AKT3: variants seen among roughly 807,000 people sequenced by gnomAD.
AKT3 encodes the protein AKT serine/threonine kinase 3, also known as RAC-gamma serine/threonine-protein kinase.
A neutral mutation model predicts 65.3 loss-of-function variants in AKT3; 15 were observed. The observed-to-expected ratio is 0.23, with a 90% CI of 0.15 to 0.35. AKT3 has a LOEUF of 0.35. Among genes scored for constraint, AKT3 ranks in the 10% least tolerant of loss-of-function variants. The pLI is 1.00. For missense variants in AKT3, 243 were observed against 576.5 expected, an observed-to-expected ratio of 0.42 and a Z score of 5.92; for synonymous variants, 206 against 183.8, an observed-to-expected ratio of 1.12 and a Z score of -0.98.
intron 8 of AKT3, among the ~76,000 whole-genome samples, chr1:243,606,683 A>G (rs1677450355): frequency 6.6e-6 from 1 of 152,258 alleles, no homozygotes; most frequent in African/African-American, 2.4e-5. Flanking sequence ...AGTAACAAGG[A>G]GCCAGATGTT....
intron 8 of AKT3, among the ~76,000 whole-genome samples, chr1:243,592,520 G>T (rs1370995498): frequency 6.6e-6 from 1 of 152,104 alleles, no homozygotes; most frequent in Non-Finnish European, 1.5e-5. Flanking sequence ...CTTCTTGACA[G>T]AAACTGTATA....
intron 2 of AKT3, among the ~76,000 whole-genome samples, chr1:243,719,587 A>T (rs573184992): frequency 6.6e-6 from 1 of 152,324 alleles, no homozygotes; most frequent in East Asian, 1.9e-4. Flanking sequence ...ATGACAACTT[A>T]GTGCTTTACT....
intron 12 of AKT3, among the ~76,000 whole-genome samples, chr1:243,542,952 C>T (rs1291483741): frequency 2.6e-5 from 4 of 152,176 alleles, no homozygotes; most frequent in Non-Finnish European, 4.4e-5. Context: ...CACCAATCCA[C>T]GACCAATCTA....
At chr1:243,659,353 T>C (rs1339310651) in intron 4 of AKT3, among the ~76,000 whole-genome samples, 1 of 152,198 alleles carries the variant, frequency 6.6e-6, no homozygotes, top group Non-Finnish European at 1.5e-5. Context: ...TACAATAATA[T>C]GCACATAGTT....
chr1:243,527,922 CACACACACACACACAGAGAGAG>C (rs1558590297), intron 12 of AKT3, among the ~76,000 whole-genome samples: 10 of 89,816 alleles, frequency 1.1e-4, no homozygotes, highest in Non-Finnish European at 1.6e-4. Context: ...CACACACACA[CACACACACACACACAGAGAGAG>C]AGAGAGAGAG....
chr1:243,527,420 A>G (rs1303821695), intron 12 of AKT3, among the ~76,000 whole-genome samples: 1 of 152,178 alleles, frequency 6.6e-6, no homozygotes, highest in Non-Finnish European at 1.5e-5. Context: ...TTCTAAATCA[A>G]TCTTCCTAGA....
intron 4 of AKT3, among the ~76,000 whole-genome samples, chr1:243,658,970 C>CAGTA (rs1682046468): frequency 1.3e-5 from 2 of 151,294 alleles, no homozygotes; most frequent in African/African-American, 4.9e-5. Flanking sequence ...TTCCAGGCTG[C>CAGTA]AGTAAGCCAT....
chr1:243,549,965 A>G (rs1672933118), intron 11 of AKT3, among the ~76,000 whole-genome samples: 1 of 152,192 alleles, frequency 6.6e-6, no homozygotes, highest in African/African-American at 2.4e-5. Flanking sequence ...CTCATATTCT[A>G]CACTCTAGTC....
intron 8 of AKT3, among the ~76,000 whole-genome samples, chr1:243,598,787 T>A (rs1224358620): frequency 7.2e-5 from 11 of 152,232 alleles, no homozygotes; most frequent in Admixed American, 7.2e-4. Flanking sequence ...ACTACAGCAC[T>A]CTGTTGCCAT....
At chr1:243,817,316 T>C (rs1693588908) in intron 2 of AKT3, among the ~76,000 whole-genome samples, 1 of 152,238 alleles carries the variant, frequency 6.6e-6, no homozygotes, top group Admixed American at 6.5e-5. Context: ...GGTAGTCCAT[T>C]ACACAGCATT....
intron 8 of AKT3, among the ~76,000 whole-genome samples, chr1:243,583,164 G>GTATATATATATA (rs1383107055): frequency 1.9e-4 from 14 of 74,924 alleles, no homozygotes; most frequent in African/African-American, 6.0e-4. Context: ...CCATGTATAT[G>GTATATATATATA]TGTGTGTATA....
chr1:243,814,722 ATCACT>A (rs1401391416), intron 2 of AKT3: 1 of 152,208 alleles, frequency 6.6e-6, no homozygotes, highest in Non-Finnish European at 1.5e-5. Context: ...TTAGCTATCT[ATCACT>A]GCATAACAGA....
chr1:243,663,077 CAATA>C (rs1682493450), intron 4 of AKT3, among the ~76,000 whole-genome samples: 1 of 152,130 alleles, frequency 6.6e-6, no homozygotes, highest in Admixed American at 6.5e-5. Context: ...TCCAGCCAGT[CAATA>C]AATACTGTGT....
chr1:243,496,989 G>A (rs1323541176), downstream of AKT3, among the ~76,000 whole-genome samples: 1 of 152,218 alleles, frequency 6.6e-6, no homozygotes, highest in Non-Finnish European at 1.5e-5. Flanking sequence ...AGCCACAGGA[G>A]GGCCACAGCA....
chr1:243,670,757 A>T (rs1392279522), intron 3 of AKT3, among the ~76,000 whole-genome samples: 1 of 152,204 alleles, frequency 6.6e-6, no homozygotes, highest in Non-Finnish European at 1.5e-5. Flanking sequence ...AGATAGTTAT[A>T]CACTAGTTAA....
At chr1:243,827,004 C>G (rs1694209338) in intron 2 of AKT3, among the ~76,000 whole-genome samples, 1 of 151,416 alleles carries the variant, frequency 6.6e-6, no homozygotes, top group Admixed American at 6.6e-5. Context: ...AAAATACATG[C>G]ATTTCAGAAA....
At chr1:243,837,784 T>C (rs776600274) in intron 2 of AKT3, among the ~76,000 whole-genome samples, 14 of 152,184 alleles carry the variant, frequency 9.2e-5, no homozygotes, top group Non-Finnish European at 1.6e-4. Context: ...GCTAATGTGA[T>C]ACTTAAGTGG....
At chr1:243,681,884 C>T (rs910014553) in intron 3 of AKT3, among the ~76,000 whole-genome samples, 1 of 151,974 alleles carries the variant, frequency 6.6e-6, no homozygotes, top group Non-Finnish European at 1.5e-5. Context: ...TGCAATTACA[C>T]AAATAAAACA....
chr1:243,526,886 T>C (rs1446760539), intron 12 of AKT3, among the ~76,000 whole-genome samples: 2 of 147,678 alleles, frequency 1.4e-5, no homozygotes, highest in African/African-American at 2.5e-5. Context: ...GAAATGAAAG[T>C]GTTCTCAAAT....
Sources: allele counts gnomAD v4.1 joint callset (sites outside exome capture counted in the v4.1 genomes callset), GRCh38; gene constraint gnomAD v4.1.1; transcripts MANE v1.5; gene names NCBI Gene and HGNC (gene_info 2026-07-23, HGNC 2026-07-21).